The following GYG2 variants were observed in gnomAD, a reference collection of about 807,000 sequenced individuals.
The protein encoded by GYG2 is glycogenin 2.
A neutral mutation model predicts 29.4 loss-of-function variants in GYG2; 29 were observed. That is an observed-to-expected ratio of 0.99 (90% confidence interval 0.74 to 1.35). The LOEUF (loss-of-function observed/expected upper bound fraction) is 1.35. Among genes scored for constraint, GYG2 ranks in the 40% most tolerant of loss-of-function variants. The pLI is 0.00. For missense variants in GYG2, 370 were observed against 385.7 expected (o/e 0.96, Z 0.34); for synonymous variants, 167 against 172.3 (o/e 0.97, Z 0.24).
At chrX:2,850,717 C>A (rs889922834) in intron 3 of GYG2, among the ~76,000 whole-genome samples, 22 of 111,204 alleles carry the variant, frequency 2.0e-4, no homozygotes, top group African/African-American at 6.9e-4. Flanking sequence ...CAAAAGCTCC[C>A]CTACTGAGCA....
Position 2,843,233 on chromosome X carries a change from A to G in GYG2, c.28A>G (p.Thr10Ala), listed in dbSNP as rs1225741475. 8.3e-7 allele frequency: 1 copy of G among 1,205,158 alleles called. No homozygotes were observed. The highest frequency in any genetic ancestry group is 2.2e-5 in the Admixed American group (1 of 45,967). ...CACAGTGACTGATCAGGCTTTTGTC[A>G]CACTAGCCACCAATGACATCTACTG... MSVTDQAFVTLATNDIYCQG... is the reference protein window; with the variant it reads MSVTDQAFVALATNDIYCQG... The change falls in exon 3 of 11, where the codon ACA (threonine) becomes GCA (alanine). Residue 10 changes from threonine (T) to alanine (A), a missense_variant. By Grantham distance (58) the Thr-to-Ala change is moderately conservative. Transcript: ENST00000398806.
rs768683528 is a variant in GYG2 at position 2,861,079 on chromosome X, C to T, written c.838-443C>T. Among the ~76,000 whole-genome samples, 4 of 109,943 alleles carry T rather than the reference C, an allele frequency of 3.6e-5. No individual in the cohort carries two copies. The East Asian group carries it at 1.2e-3, about 32-fold the overall frequency. ...TTGCTAGTACAACAGAGTCTGCTATCAGCACATGCATTGCCTGGGAAATTG... is the reference window on the plus strand; with the variant it reads ...TTGCTAGTACAACAGAGTCTGCTATTAGCACATGCATTGCCTGGGAAATTG... On this transcript the variant is annotated intron_variant, in intron 7 of 10. Coordinates refer to ENST00000398806, the MANE Select transcript of GYG2 (RefSeq NM_001079855.2).
chrX:2,861,479 G>A, intron 7 of GYG2, 43 bp from the exon 8 acceptor site: 1 of 1,074,820 alleles, frequency 9.3e-7, no homozygotes, highest in Non-Finnish European at 1.3e-6. Context: ...GTGAATTGAG[G>A]AGACATAGGG....
intron 3 of GYG2, among the ~76,000 whole-genome samples, chrX:2,843,996 A>G (rs1403530830): frequency 8.9e-6 from 1 of 111,985 alleles, no homozygotes; most frequent in Non-Finnish European, 1.9e-5. Context: ...TTAATTCTCA[A>G]ATAAAGCAAA....
intron 10 of GYG2, chrX:2,878,014 A>G: frequency 1.3e-6 from 1 of 751,109 alleles, no homozygotes; most frequent in Non-Finnish European, 1.6e-6. Flanking sequence ...TGTTTTTCTC[A>G]TTCTTACTTG....
rs1402299713 is a variant in GYG2 at position 2,829,737 on chromosome X, C to G, written c.-128-324C>G. Among the ~76,000 whole-genome samples, 4 of 105,254 alleles carry G rather than the reference C, an allele frequency of 3.8e-5. No individual in the cohort carries two copies. In the Admixed American group the frequency reaches 4.0e-4, roughly 10 times the overall value. The allele number at this position is 105,254 out of a possible 115,157, so 91.4% of individuals were successfully genotyped here. ...GGATGCCCAGAACTCCAAGCAGGTG[C>G]GCGGGGCGGCGGGGCAGCTGCTGAC... On this transcript the variant is annotated intron_variant, in intron 1 of 10. Transcript: ENST00000398806.
intron 10 of GYG2, chrX:2,877,886 T>C (rs2088637046): frequency 2.7e-6 from 2 of 750,850 alleles, no homozygotes; most frequent in Non-Finnish European, 3.1e-6. Context: ...TCAATACAGC[T>C]CTAGAGCTAG....
chrX:2,858,789 C>T (rs1040983047), intron 6 of GYG2, among the ~76,000 whole-genome samples: 2 of 110,486 alleles, frequency 1.8e-5, no homozygotes, highest in East Asian at 5.6e-4. Flanking sequence ...AGGTGATCCA[C>T]GAAAAAAAAG....
rs556639594 is a variant in GYG2 at position 2,834,201 on chromosome X, A to T, written c.7+4006A>T. Among the ~76,000 whole-genome samples the T allele has an allele frequency of 8.1e-5, 9 of 111,631 alleles. No homozygotes were observed. The South Asian group carries it at 3.4e-3, about 42-fold the overall frequency. On this transcript the variant is annotated intron_variant, in intron 2 of 10. Coordinates refer to ENST00000398806, the MANE Select transcript of GYG2 (RefSeq NM_001079855.2). ...CTTATTATTTTTGGTTCAGTTTCTTATTGGAGGCAGGAGACAGTAGCTATT... is the reference window on the plus strand; with the variant it reads ...CTTATTATTTTTGGTTCAGTTTCTTTTTGGAGGCAGGAGACAGTAGCTATT...
At chrX:2,880,406 TATTAA>T (rs1211932418) in intron 10 of GYG2, among the ~76,000 whole-genome samples, 1 of 77,070 alleles carries the variant, frequency 1.3e-5, no homozygotes, top group Non-Finnish European at 2.5e-5. Context: ...TGGGTGAGAG[TATTAA>T]ATTAGTGTGT....
At chrX:2,873,528 C>T (rs1339480926) in intron 8 of GYG2, among the ~76,000 whole-genome samples, 1 of 110,448 alleles carries the variant, frequency 9.1e-6, no homozygotes, top group Non-Finnish European at 1.9e-5. Flanking sequence ...CCTCCTCCTC[C>T]TCTTCCTCCT....
chrX:2,867,130 C>G (rs958112656), intron 8 of GYG2, among the ~76,000 whole-genome samples: 1 of 111,556 alleles, frequency 9.0e-6, no homozygotes, highest in Non-Finnish European at 1.9e-5. Context: ...GAGCTCAAGG[C>G]CAAGGGTAAG....
In GYG2 at chrX:2,830,162, C is replaced by T; in HGVS notation, c.-27C>T. 8.3e-7 allele frequency: 1 copy of T among 1,206,784 alleles called. No homozygotes were observed. The highest frequency in any genetic ancestry group is 1.1e-6 in the Non-Finnish European group (1 of 890,836). ...TCCCGGGCGCAGGTCTGCAGGTCCG[C>T]GCCCACTGCCCGCGGCGCCACTGAC... On this transcript the variant is annotated 5_prime_UTR_variant, in exon 2 of 11. Transcript: ENST00000398806.
intron 10 of GYG2, 59 bp downstream of exon 10, chrX:2,877,366 T>C: frequency 1.7e-6 from 2 of 1,182,691 alleles, no homozygotes; most frequent in East Asian, 3.0e-5. Flanking sequence ...CCACCGTCAC[T>C]GAGGTCAACT....
At chrX:2,874,005 A>G (rs190625043) in intron 8 of GYG2, among the ~76,000 whole-genome samples, 2 of 111,641 alleles carry the variant, frequency 1.8e-5, no homozygotes, top group African/African-American at 6.5e-5. Flanking sequence ...CTGAGATAGG[A>G]GAATCACTTG....
At chrX:2,856,652 C>T (rs1297359132) in intron 6 of GYG2, 28 bp downstream of exon 6, 21 of 1,166,362 alleles carry the variant, frequency 1.8e-5, no homozygotes, top group Non-Finnish European at 2.4e-5. Context: ...GCGAATCCTG[C>T]CAGATCTGCC....
chrX:2,844,385 A>G (rs2087573919), intron 3 of GYG2, among the ~76,000 whole-genome samples: 1 of 111,701 alleles, frequency 9.0e-6, no homozygotes, highest in Non-Finnish European at 1.9e-5. Context: ...CAAAGCAAAG[A>G]CAGCAACTAC....
chrX:2,869,866 T>C (rs772760400), intron 8 of GYG2, among the ~76,000 whole-genome samples: 1 of 112,606 alleles, frequency 8.9e-6, no homozygotes, highest in Admixed American at 9.4e-5. Flanking sequence ...ACTCTTGAAT[T>C]CCTGGGCTCT....
intron 2 of GYG2, among the ~76,000 whole-genome samples, chrX:2,837,302 C>G (rs911438616): frequency 1.8e-5 from 2 of 112,265 alleles, no homozygotes; most frequent in African/African-American, 6.5e-5. Flanking sequence ...ACAGTGGACT[C>G]TTCCTTACTG....
Sources: allele counts gnomAD v4.1 joint callset (sites outside exome capture counted in the v4.1 genomes callset), GRCh38; gene constraint gnomAD v4.1.1; transcripts MANE v1.5; gene names NCBI Gene and HGNC (gene_info 2026-07-23, HGNC 2026-07-21).